The following SELENOO variants were observed in gnomAD, a reference collection of about 807,000 sequenced individuals.
SELENOO encodes selenoprotein O.
SELENOO carries 74 observed loss-of-function variants against 58.7 expected under a neutral mutation model. That is an observed-to-expected ratio of 1.26 (90% confidence interval 1.04 to 1.53). SELENOO has a LOEUF of 1.53. Among genes scored for constraint, SELENOO ranks in the 40% most tolerant of loss-of-function variants. The pLI is 0.00. For missense variants in SELENOO, 1,149 were observed against 970.0 expected, an observed-to-expected ratio of 1.18 and a Z score of -2.45; for synonymous variants, 543 against 453.2, an observed-to-expected ratio of 1.20 and a Z score of -2.52.
chr22:50,204,620 C>CAA (rs34563111), intron 1 of SELENOO, among the ~76,000 whole-genome samples: 1 of 147,926 alleles, frequency 6.8e-6, no homozygotes, highest in Non-Finnish European at 1.5e-5. Flanking sequence ...GACCCTGTCT[C>CAA]AAAAAAAAAA....
Position 50,201,117 on chromosome 22 carries a change from G to C in SELENOO, c.81G>C (p.Pro27=). ...LLPLGRCSPS[P]APRSTLSGAA... The stretch of plus-strand genomic sequence containing the variant: ...CCCTCGGTCGCTGTTCCCCGTCGCC[G>C]GCGCCCCGCTCTACGTTGTCGGGCG... Residue 27 remains proline (P), a synonymous_variant, in exon 1 of 9, where the codon CCG becomes CCC. Transcript: ENST00000380903. 7.5e-7 allele frequency: 1 copy of C among 1,337,550 alleles called. No homozygotes were observed. The highest frequency in any genetic ancestry group is 9.6e-7 in the Non-Finnish European group (1 of 1,046,332). The allele number at this position is 1,337,550 out of a possible 1,614,324, so 82.9% of individuals were successfully genotyped here.
In SELENOO at chr22:50,215,580, G is replaced by T. The variant is rs1602496456; in HGVS notation, c.1352-137G>T. On this transcript the variant is annotated intron_variant, in intron 5 of 8. Transcript: ENST00000380903. The stretch of plus-strand genomic sequence containing the variant: ...GAGCGTGTGGATCCGTGCTGGCGGT[G>T]GGGGGCGGTGGTGGAGCATGTGGGT... 11 of 653,772 alleles carry T rather than the reference G, an allele frequency of 1.7e-5. No individual in the cohort carries two copies. In the South Asian group the frequency reaches 2.0e-4, roughly 12 times the overall value. The allele number at this position is 653,772 out of a possible 1,614,324, so 40.5% of individuals were successfully genotyped here.
In SELENOO at chr22:50,211,621, A is replaced by G. The variant is rs140419084; in HGVS notation, c.1351+710A>G. Reference sequence around the variant, plus strand: ...GCTTTTTCCTGCAATGAAGATGGTCATGTGGTTTTATTATTTCATTCATAT... The same window carrying G: ...GCTTTTTCCTGCAATGAAGATGGTCGTGTGGTTTTATTATTTCATTCATAT... On this transcript the variant is annotated intron_variant, in intron 5 of 8. Coordinates refer to ENST00000380903, the MANE Select transcript of SELENOO (RefSeq NM_031454.2). Among the ~76,000 whole-genome samples the G allele has an allele frequency of 5.1e-3, 770 of 152,354 alleles. 5 individuals carry two copies. The highest frequency in any genetic ancestry group is 0.018 in the African/African-American group (738 of 41,580).
chr22:50,204,111 A>G (rs974818804), intron 1 of SELENOO, among the ~76,000 whole-genome samples: 2 of 152,268 alleles, frequency 1.3e-5, no homozygotes, highest in African/African-American at 4.8e-5. Context: ...ATCAATCATT[A>G]GGGAAATGCA....
At position 50,210,685 on chromosome 22, in the gene SELENOO, C is replaced by G; in HGVS notation, c.1125C>G (p.Tyr375Ter). 2 of 1,613,326 alleles carry G rather than the reference C, an allele frequency of 1.2e-6. No individual in the cohort carries two copies. Among genetic ancestry groups the G allele is most frequent in the Non-Finnish European group, 1.7e-6 (2 of 1,180,004 alleles). The change falls in exon 5 of 9, where the codon TAC becomes TAG. Residue 375 changes from tyrosine (Y) to a stop codon, truncating the protein, a stop_gained. Transcript: ENST00000380903. LOFTEE classifies it high-confidence loss of function. ...NASDNTGRYA[Y>*]SKQPEVCRWN... ...CCGACAACACCGGCCGCTACGCGTACAGCAAGCAGCCCGAGGTGTGCAGGT... is the reference window on the plus strand; with the variant it reads ...CCGACAACACCGGCCGCTACGCGTAGAGCAAGCAGCCCGAGGTGTGCAGGT...
chr22:50,202,698 A>G (rs968298510), intron 1 of SELENOO, among the ~76,000 whole-genome samples: 1 of 152,060 alleles, frequency 6.6e-6, no homozygotes, highest in Non-Finnish European at 1.5e-5. Flanking sequence ...GACACTTTTT[A>G]TGTTTGAAGA....
intron 3 of SELENOO, 108 bp downstream of exon 3, chr22:50,208,824 C>T (rs902376649): frequency 1.8e-6 from 2 of 1,093,218 alleles, no homozygotes; most frequent in Admixed American, 4.5e-5. Flanking sequence ...TACCCAGCCT[C>T]CCCGCCCTTC....
At chr22:50,210,606 G>A (rs778237296) in intron 4 of SELENOO, 25 bp from the exon 5 acceptor site, 8 of 1,612,564 alleles carry the variant, frequency 5.0e-6, no homozygotes, top group South Asian at 4.4e-5. Flanking sequence ...CAGGCAGGGC[G>A]TGGCTCTCTT....
Position 50,201,142 on chromosome 22 carries a change from G to T in SELENOO, c.106G>T (p.Ala36Ser), listed in dbSNP as rs1354350148. ...GGCGCCCCGCTCTACGTTGTCGGGC[G>T]CCGCCATGGAGCCCGCGCCTCGCTG... ...SPAPRSTLSG[A>S]AMEPAPRWLA... Residue 36 changes from alanine to serine, a missense_variant, in exon 1 of 9, where the codon GCC (alanine) becomes TCC (serine). Coordinates refer to ENST00000380903, the MANE Select transcript of SELENOO (RefSeq NM_031454.2). 3 of 1,294,700 alleles carry T rather than the reference G, an allele frequency of 2.3e-6. No homozygotes were observed. The highest frequency in any genetic ancestry group is 2.0e-6 in the Non-Finnish European group (2 of 1,023,318). The allele number at this position is 1,294,700 out of a possible 1,614,324, so 80.2% of individuals were successfully genotyped here.
Position 50,216,791 on chromosome 22 carries a change from C to G in SELENOO, c.1603C>G (p.Gln535Glu). 6.2e-7 allele frequency: 1 copy of G among 1,609,260 alleles called. No homozygotes were observed. Residue 535 changes from glutamine (Q) to glutamate (E), a missense_variant, in exon 7 of 9, where the codon CAG becomes GAG. By Grantham distance (29) the Gln-to-Glu change is conservative. Coordinates refer to ENST00000380903, the MANE Select transcript of SELENOO (RefSeq NM_031454.2). Reference protein sequence around the residue: ...GIARELERVEQQSRLEQLSAA... With the variant: ...GIARELERVEEQSRLEQLSAA... Reference sequence around the variant, plus strand: ...CGCCAGGGAGCTGGAGCGTGTGGAGCAGCAGTCTCGGCTGGAGCAGCTGAG... The same window carrying G: ...CGCCAGGGAGCTGGAGCGTGTGGAGGAGCAGTCTCGGCTGGAGCAGCTGAG...
Position 50,208,686 on chromosome 22 carries a change from C to T in SELENOO, c.909C>T (p.Ser303=), listed in dbSNP as rs372589159. The change falls in exon 3 of 9, where the codon AGC becomes AGT. Residue 303 remains serine (S), a synonymous_variant. Coordinates refer to ENST00000380903, the MANE Select transcript of SELENOO (RefSeq NM_031454.2). ...PEIQAAHASD[S]VQRNAAFFRE... ...TCCAGGCTGCTCATGCCAGCGACAG[C>T]GTGCAGAGAAATGCTGCCTTCTTCC... The T allele has an allele frequency of 7.9e-5, 128 of 1,613,290 alleles. 1 individual carries two copies. The South Asian group carries it at 8.1e-4, about 10-fold the overall frequency.
intron 5 of SELENOO, among the ~76,000 whole-genome samples, chr22:50,213,451 T>TCTTGGAGAACTTTCTGTGTGC (rs1454304624): frequency 2.0e-5 from 3 of 152,206 alleles, no homozygotes; most frequent in African/African-American, 7.2e-5. Flanking sequence ...TTGTGGCTTA[T>TCTTGGAGAACTTTCTGTGTGC]CTTGGAGAAC....
At chr22:50,206,039 C>T (rs947497501) in intron 1 of SELENOO, 21 of 520,592 alleles carry the variant, frequency 4.0e-5, no homozygotes, top group South Asian at 1.8e-4. Flanking sequence ...GCTTCTGCTG[C>T]GGAACCCTCG....
chr22:50,217,576 G>A lies in SELENOO; in HGVS notation c.*207G>A, dbSNP rs913357304. 18 of 950,302 alleles carry A rather than the reference G, an allele frequency of 1.9e-5. No individual in the cohort carries two copies. The highest frequency in any genetic ancestry group is 2.6e-5 in the Non-Finnish European group (17 of 646,118). 58.9% of individuals were successfully genotyped at this position (950,302 alleles called of 1,614,324 possible). On this transcript the variant is annotated 3_prime_UTR_variant, in exon 9 of 9. Transcript: ENST00000380903. Reference sequence around the variant, plus strand: ...TCAGCAGTGCAGCCTGGTCCCTGGGGGCTGGACCCAGGCTCCTAAATAAAC... The same window carrying A: ...TCAGCAGTGCAGCCTGGTCCCTGGGAGCTGGACCCAGGCTCCTAAATAAAC...
intron 1 of SELENOO, among the ~76,000 whole-genome samples, chr22:50,202,932 A>G (rs2064312582): frequency 6.6e-6 from 1 of 152,212 alleles, no homozygotes. Flanking sequence ...GAAGAAAATA[A>G]AGAAAACATA....
chr22:50,210,270 G>A lies in SELENOO; in HGVS notation c.1029G>A (p.Leu343=), dbSNP rs747519891. ...GVLNTDNMSI[L]GLTIDYGPFG... ...TCAACACCGACAACATGAGCATCCT[G>A]GGGCTCACCATCGACTACGGGCCCT... Residue 343 remains leucine (L), a synonymous_variant, in exon 4 of 9, where the codon CTG becomes CTA. Transcript: ENST00000380903. 1.7e-5 allele frequency: 27 copies of A among 1,613,386 alleles called. No homozygotes were observed. The highest frequency in any genetic ancestry group is 1.6e-4 in the Middle Eastern group (1 of 6,062).
Position 50,216,766 on chromosome 22 carries a change from C to T in SELENOO, c.1578C>T (p.Ile526=), listed in dbSNP as rs34704774. The T allele has an allele frequency of 2.2e-5, 36 of 1,608,228 alleles. No homozygotes were observed. Among genetic ancestry groups the T allele is most frequent in the East Asian group, 4.5e-5 (2 of 44,862 alleles). Residue 526 remains isoleucine (I), a synonymous_variant, in exon 7 of 9, where the codon ATC becomes ATT. Transcript: ENST00000380903. ...LFALMGTRAG[I]ARELERVEQQ... The stretch of plus-strand genomic sequence containing the variant: ...CGCTTATGGGCACCCGGGCAGGCAT[C>T]GCCAGGGAGCTGGAGCGTGTGGAGC...
chr22:50,213,912 T>C (rs1219371548), intron 5 of SELENOO, among the ~76,000 whole-genome samples: 1 of 152,090 alleles, frequency 6.6e-6, no homozygotes, highest in East Asian at 1.9e-4. Context: ...CCTCCCAAAG[T>C]GCTGGGATTA....
At chr22:50,210,593 T>A (rs2064362504) in intron 4 of SELENOO, 38 bp from the exon 5 acceptor site, 3 of 1,612,056 alleles carry the variant, frequency 1.9e-6, no homozygotes, top group Non-Finnish European at 2.5e-6. Context: ...GGGAACTTCC[T>A]CTCAGGCAGG....
Sources: allele counts gnomAD v4.1 joint callset (sites outside exome capture counted in the v4.1 genomes callset), GRCh38; gene constraint gnomAD v4.1.1; transcripts MANE v1.5; gene names NCBI Gene and HGNC (gene_info 2026-07-23, HGNC 2026-07-21).